NR5A1: variants seen among roughly 807,000 people sequenced by gnomAD.
NR5A1 encodes the protein steroidogenic factor 1.
A neutral mutation model predicts 42.7 loss-of-function variants in NR5A1; 6 were observed. That is an observed-to-expected ratio of 0.14 (90% CI 0.08 to 0.28). NR5A1 has a LOEUF of 0.28. NR5A1 is among the 10% of genes least tolerant of loss of function. NR5A1 has a pLI of 1.00. For missense variants in NR5A1, 442 were observed against 626.4 expected (o/e 0.71, Z 3.14); for synonymous variants, 274 against 277.5 (o/e 0.99, Z 0.12).
intron 6 of NR5A1, among the ~76,000 whole-genome samples, chr9:124,489,604 G>T (rs946450507): frequency 6.6e-6 from 1 of 152,190 alleles, no homozygotes; most frequent in Non-Finnish European, 1.5e-5. Flanking sequence ...CCAGTCTGCT[G>T]AGCCTGGCAG....
chr9:124,494,059 G>C (rs2131280884), intron 4 of NR5A1, among the ~76,000 whole-genome samples: 1 of 152,358 alleles, frequency 6.6e-6, no homozygotes, highest in Non-Finnish European at 1.5e-5. Context: ...GAGCCCTTCT[G>C]GGTATTTGGA....
chr9:124,487,499 C>A (rs549964828), intron 6 of NR5A1, among the ~76,000 whole-genome samples: 1 of 152,372 alleles, frequency 6.6e-6, no homozygotes, highest in East Asian at 1.9e-4. Context: ...ACCGTGATTG[C>A]CAGGAGAGAG....
intron 5 of NR5A1, 113 bp from the exon 6 acceptor site, chr9:124,491,341 G>A: frequency 1.2e-6 from 1 of 835,684 alleles, no homozygotes; most frequent in Non-Finnish European, 1.9e-6. Flanking sequence ...CAGGTCAGAT[G>A]GGCTGGCGTC....
At chr9:124,505,193 G>T (rs1832538857) in intron 1 of NR5A1, among the ~76,000 whole-genome samples, 2 of 152,196 alleles carry the variant, frequency 1.3e-5, no homozygotes. Flanking sequence ...TGCGGAGCCC[G>T]AGTGCCCCGC....
chr9:124,504,035 AGAGAGAGAGAGAGAGAC>A (rs950232719), intron 1 of NR5A1, among the ~76,000 whole-genome samples: 6 of 132,574 alleles, frequency 4.5e-5, no homozygotes, highest in African/African-American at 2.4e-4. Context: ...AGAGAGAGAG[AGAGAGAGAGAGAGAGAC>A]GAGAGAGAGA....
At chr9:124,499,969 T>C in intron 4 of NR5A1, 121 bp downstream of exon 4, 1 of 1,466,446 alleles carries the variant, frequency 6.8e-7, no homozygotes. Context: ...GGCCTCCGGG[T>C]CCCCAGGTAC....
intron 6 of NR5A1, among the ~76,000 whole-genome samples, chr9:124,484,997 C>T (rs1434549977): frequency 2.0e-5 from 3 of 152,082 alleles, no homozygotes; most frequent in Admixed American, 6.5e-5. Context: ...GTGAGACAGA[C>T]GTGGATTCGA....
chr9:124,505,487 A>C (rs1288795466), intron 1 of NR5A1, among the ~76,000 whole-genome samples: 2 of 152,114 alleles, frequency 1.3e-5, no homozygotes, highest in Non-Finnish European at 2.9e-5. Context: ...TGAAGTGGGT[A>C]GATGACCGCT....
At position 124,504,051 on chromosome 9, in the gene NR5A1, A is replaced by AGAGAGAGAGAGAGAGAGAGAGAGAG. The variant is rs879911122; in HGVS notation, c.-15-642_-15-641insCTCTCTCTCTCTCTCTCTCTCTCTC. ...GAGAGAGAGAGAGAGAGAGAGAGAG[A>AGAGAGAGAGAGAGAGAGAGAGAGAG]CGAGAGAGAGAGAGAGAGAGAGAAA... On this transcript the variant is annotated intron_variant, in intron 1 of 6. Transcript: ENST00000373588. 2.0e-4 allele frequency among the ~76,000 whole-genome samples: 25 copies of AGAGAGAGAGAGAGAGAGAGAGAGAG among 126,628 alleles called. 2 individuals carry two copies. Among genetic ancestry groups the AGAGAGAGAGAGAGAGAGAGAGAGAG allele is most frequent in the African/African-American group, 9.5e-4 (23 of 24,294 alleles). The allele number at this position is 126,628 out of a possible 152,430, so 83.1% of individuals were successfully genotyped here.
At chr9:124,497,658 G>A (rs1050989768) in intron 4 of NR5A1, among the ~76,000 whole-genome samples, 2 of 152,138 alleles carry the variant, frequency 1.3e-5, no homozygotes, top group Non-Finnish European at 2.9e-5. Flanking sequence ...CCCGGAACCT[G>A]GAGCCCCAGC....
At chr9:124,505,092 C>T (rs1388315461) in intron 1 of NR5A1, among the ~76,000 whole-genome samples, 1 of 152,110 alleles carries the variant, frequency 6.6e-6, no homozygotes, top group Non-Finnish European at 1.5e-5. Context: ...CGCCGGCACC[C>T]TCTCCGCAGT....
chr9:124,493,460 G>A (rs1051500072), intron 4 of NR5A1, among the ~76,000 whole-genome samples: 2 of 152,212 alleles, frequency 1.3e-5, no homozygotes, highest in Non-Finnish European at 2.9e-5. Flanking sequence ...AGTACTGAGC[G>A]GACAGTCCAG....
chr9:124,486,910 T>C (rs779212321), intron 6 of NR5A1, among the ~76,000 whole-genome samples: 109 of 152,240 alleles, frequency 7.2e-4, no homozygotes, highest in Admixed American at 3.0e-3. Context: ...ACTTCCCCTC[T>C]CTGAGCTGCA....
intron 3 of NR5A1, among the ~76,000 whole-genome samples, chr9:124,502,307 C>CCTTTT (rs1429114429): frequency 6.6e-6 from 1 of 152,196 alleles, no homozygotes; most frequent in Non-Finnish European, 1.5e-5. Context: ...TCTCTTTCTG[C>CCTTTT]CTTTTCTTTT....
At chr9:124,487,334 T>C (rs1199025253) in intron 6 of NR5A1, among the ~76,000 whole-genome samples, 1 of 152,194 alleles carries the variant, frequency 6.6e-6, no homozygotes, top group Non-Finnish European at 1.5e-5. Context: ...AGGCCGCCTT[T>C]TGTTGGCGCG....
In NR5A1 at chr9:124,501,445, G is replaced by T. The variant is rs1832470193; in HGVS notation, c.245-730C>A. 6.6e-6 allele frequency among the ~76,000 whole-genome samples: 1 copy of T among 152,248 alleles called. No individual in the cohort carries two copies. The highest frequency in any genetic ancestry group is 6.5e-5 in the Admixed American group (1 of 15,290). Reference sequence around the variant, plus strand: ...GAAGCTCCTCCGCCTGGCGAGGAATGTGTCATCAGCCAGACCCAACAGGTA... The same window carrying T: ...GAAGCTCCTCCGCCTGGCGAGGAATTTGTCATCAGCCAGACCCAACAGGTA... On this transcript the variant is annotated intron_variant, in intron 3 of 6. Transcript: ENST00000373588. The surrounding 1 kb of genome is among the most constrained non-coding windows in gnomAD (Gnocchi z 4.1).
chr9:124,502,632 C>T (rs926430795), intron 3 of NR5A1, among the ~76,000 whole-genome samples: 2 of 152,224 alleles, frequency 1.3e-5, no homozygotes, highest in Admixed American at 1.3e-4. Context: ...CCGGCCAAGC[C>T]CATGTTTCAC....
At chr9:124,489,672 C>A (rs1832273017) in intron 6 of NR5A1, among the ~76,000 whole-genome samples, 1 of 152,202 alleles carries the variant, frequency 6.6e-6, no homozygotes, top group South Asian at 2.1e-4. Context: ...CAGCTGCAGC[C>A]AACCGAGCCT....
intron 3 of NR5A1, among the ~76,000 whole-genome samples, chr9:124,502,515 T>C (rs1043051228): frequency 5.3e-5 from 8 of 152,052 alleles, no homozygotes; most frequent in African/African-American, 1.9e-4. Context: ...ATTTTATAGA[T>C]ACAAGGTTTC....
Sources: gnomAD v4.1 joint callset for allele counts (sites outside exome capture counted in the v4.1 genomes callset) on GRCh38, gnomAD v4.1.1 for gene constraint, Gnocchi (gnomAD v3.1) non-coding constraint, MANE v1.5 for transcripts, NCBI Gene and HGNC (gene_info 2026-07-23, HGNC 2026-07-21) for gene names.